Variants in ANKRD24 observed in about 807,000 individuals in gnomAD.
ANKRD24 encodes the protein ankyrin repeat domain 24.
A neutral mutation model predicts 127.8 loss-of-function variants in ANKRD24; 109 were observed. The observed-to-expected ratio is 0.85, with a 90% CI of 0.73 to 1.00. ANKRD24 has a LOEUF of 1.00. Among genes scored for constraint, ANKRD24 ranks in the 50% least tolerant of loss-of-function variants. The pLI, the probability that ANKRD24 is intolerant of heterozygous loss-of-function variation, is 0.00. For missense variants in ANKRD24, 1,648 were observed against 1,570.2 expected (o/e 1.05, Z -0.84); for synonymous variants, 743 against 671.1 (o/e 1.11, Z -1.66).
chr19:4,182,813 T>C, intron 1 of ANKRD24, 73 bp downstream of exon 1: 1 of 894,414 alleles, frequency 1.1e-6, no homozygotes. Flanking sequence ...TACGTGAGAG[T>C]TCTCCAGTCA....
At chr19:4,206,659 G>A (rs1349543536) in intron 7 of ANKRD24, among the ~76,000 whole-genome samples, 1 of 152,082 alleles carries the variant, frequency 6.6e-6, no homozygotes, top group East Asian at 1.9e-4. Flanking sequence ...CAGTGCTTGG[G>A]ACTGGCAGTC....
rs915336051 is a variant in ANKRD24 at position 4,198,760 on chromosome 19, G to T, written c.37-923G>T. On this transcript the variant is annotated intron_variant, in intron 2 of 21. Coordinates refer to ENST00000318934, the MANE Select transcript of ANKRD24 (RefSeq NM_001393985.1). The surrounding 1 kb of genome is among the most constrained non-coding windows in gnomAD (Gnocchi z 6.1). ...TTGGAAGACTCTTTGAAACAAATGG[G>T]GACATTTAGGAACATTTAGAGGGCA... Among the ~76,000 whole-genome samples the T allele has an allele frequency of 2.0e-5, 3 of 152,162 alleles. No individual in the cohort carries two copies. Among genetic ancestry groups the T allele is most frequent in the Non-Finnish European group, 2.9e-5 (2 of 68,032 alleles).
chr19:4,187,664 C>T (rs1968146583), intron 2 of ANKRD24, among the ~76,000 whole-genome samples: 1 of 152,192 alleles, frequency 6.6e-6, no homozygotes, highest in African/African-American at 2.4e-5. Context: ...AAAGGGAGGG[C>T]TCACCTCCAG....
intron 1 of ANKRD24, among the ~76,000 whole-genome samples, chr19:4,183,970 T>G (rs1473036071): frequency 6.6e-6 from 1 of 152,018 alleles, no homozygotes; most frequent in East Asian, 1.9e-4. Context: ...TGGGGTGACA[T>G]GAAGTACAGA....
chr19:4,213,666 T>G (rs1309558948), intron 15 of ANKRD24, among the ~76,000 whole-genome samples: 1 of 152,016 alleles, frequency 6.6e-6, no homozygotes, highest in Non-Finnish European at 1.5e-5. Flanking sequence ...GTTTCACTCT[T>G]GTTGCCCAGG....
chr19:4,210,839 T>G (rs1223423702), intron 13 of ANKRD24, among the ~76,000 whole-genome samples: 3 of 151,464 alleles, frequency 2.0e-5, no homozygotes, highest in Non-Finnish European at 2.9e-5. Context: ...TTTTTGGTTT[T>G]GTTTTGTTTT....
At chr19:4,220,772 G>A (rs1451239476) in intron 19 of ANKRD24, among the ~76,000 whole-genome samples, 3 of 151,828 alleles carry the variant, frequency 2.0e-5, no homozygotes, top group African/African-American at 4.8e-5. Context: ...AGCTGGGATG[G>A]TCTCAATCTC....
intron 2 of ANKRD24, among the ~76,000 whole-genome samples, chr19:4,194,646 A>G (rs997227192): frequency 4.6e-5 from 7 of 152,058 alleles, no homozygotes; most frequent in African/African-American, 7.2e-5. Flanking sequence ...TGTGCAGGAG[A>G]GATGAGATCT....
At chr19:4,208,155 G>T (rs1969503568) in intron 10 of ANKRD24, among the ~76,000 whole-genome samples, 187 bp downstream of exon 10, 1 of 152,034 alleles carries the variant, frequency 6.6e-6, no homozygotes, top group Non-Finnish European at 1.5e-5. Flanking sequence ...CTGGGAGGGG[G>T]TCTGCTTCTG....
intron 2 of ANKRD24, among the ~76,000 whole-genome samples, chr19:4,194,465 T>A (rs1968583564): frequency 6.6e-6 from 1 of 152,064 alleles, no homozygotes; most frequent in Non-Finnish European, 1.5e-5. Context: ...AAATGTGAAT[T>A]TCATATCATT....
chr19:4,212,785 C>A, intron 15 of ANKRD24, 87 bp downstream of exon 15: 2 of 1,215,800 alleles, frequency 1.6e-6, no homozygotes, highest in Non-Finnish European at 2.3e-6. Context: ...CACACCAGTG[C>A]ATGCACAGCC....
chr19:4,197,314 G>A (rs1182694689), intron 2 of ANKRD24, among the ~76,000 whole-genome samples: 1 of 152,096 alleles, frequency 6.6e-6, no homozygotes, highest in Non-Finnish European at 1.5e-5. Flanking sequence ...ATGAGGCAAT[G>A]AGTGAATGAA....
In ANKRD24 at chr19:4,201,976, G is replaced by C. The variant is rs566695415; in HGVS notation, c.344-50G>C. On this transcript the variant is annotated intron_variant, in intron 5 of 21. Transcript: ENST00000318934. ...GTTGACATGGCTTGGGGAGCAGCTG[G>C]GAGCTACTTGAATAGCTGGAGCTCC... 87 of 1,529,340 alleles carry C rather than the reference G, an allele frequency of 5.7e-5. No homozygotes were observed. In the East Asian group the frequency reaches 1.9e-3, roughly 33 times the overall value. 94.7% of individuals were successfully genotyped at this position (1,529,340 alleles called of 1,614,324 possible).
intron 20 of ANKRD24, among the ~76,000 whole-genome samples, chr19:4,223,402 T>TATATATATATA (rs1491398712): frequency 1.2e-4 from 5 of 40,454 alleles, no homozygotes; most frequent in African/African-American, 6.0e-4. Context: ...TATATATATA[T>TATATATATATA]TTTTTTTTTT....
intron 2 of ANKRD24, among the ~76,000 whole-genome samples, chr19:4,189,570 G>C (rs1968267460): frequency 6.7e-6 from 1 of 148,676 alleles, no homozygotes; most frequent in Admixed American, 6.7e-5. Context: ...TTTTTTTTAA[G>C]AGATGGGGTC....
chr19:4,212,733 C>G, intron 15 of ANKRD24, 35 bp downstream of exon 15: 1 of 1,520,908 alleles, frequency 6.6e-7, no homozygotes, highest in Non-Finnish European at 8.9e-7. Flanking sequence ...TGGGCTGGGG[C>G]TGGGTCGGGG....
At chr19:4,202,984 G>T in intron 7 of ANKRD24, 58 bp downstream of exon 7, 1 of 1,448,868 alleles carries the variant, frequency 6.9e-7, no homozygotes, top group South Asian at 1.3e-5. Flanking sequence ...AGACTTGGGG[G>T]TTATTCTGCC....
At chr19:4,203,717 G>A (rs1165416125) in intron 7 of ANKRD24, among the ~76,000 whole-genome samples, 1 of 151,770 alleles carries the variant, frequency 6.6e-6, no homozygotes, top group Non-Finnish European at 1.5e-5. Context: ...CGCAATCTTG[G>A]CTCACTGCAA....
At chr19:4,210,036 T>G in intron 11 of ANKRD24, 22 bp from the exon 12 acceptor site, 2 of 1,567,610 alleles carry the variant, frequency 1.3e-6, no homozygotes, top group Non-Finnish European at 1.7e-6. Context: ...CCCCCTTCAC[T>G]CTCTCTCCCC....
Sources: allele counts gnomAD v4.1 joint callset (sites outside exome capture counted in the v4.1 genomes callset), GRCh38; gene constraint gnomAD v4.1.1; non-coding constraint Gnocchi (gnomAD v3.1); transcripts MANE v1.5; gene names NCBI Gene and HGNC (gene_info 2026-07-23, HGNC 2026-07-21).